DTNA: variants seen among roughly 807,000 people sequenced by gnomAD.
DTNA encodes dystrophin-related protein 3.
In DTNA, 43 loss-of-function variants were observed where a neutral mutation model predicts 100.7. That is an observed-to-expected ratio of 0.43 (90% CI 0.33 to 0.55). DTNA has a LOEUF of 0.55. Among genes scored for constraint, DTNA ranks in the 20% least tolerant of loss-of-function variants. The pLI, the probability that DTNA is intolerant of heterozygous loss-of-function variation, is 0.04. For synonymous variants in DTNA, 349 were observed against 347.9 expected, an observed-to-expected ratio of 1.00 and a Z score of -0.04; for missense variants, 798 against 953.9, an observed-to-expected ratio of 0.84 and a Z score of 2.15.
At position 34,864,049 on chromosome 18, in the gene DTNA, T is replaced by C; in HGVS notation, c.1730T>C (p.Met577Thr). The change falls in exon 17 of 23, where the codon ATG becomes ACG. Residue 577 changes from methionine (M) to threonine (T), a missense_variant. By Grantham distance (81) the Met-to-Thr change is moderately conservative. This residue lies in a region of DTNA where 26 missense variants were observed against 55.0 expected (regional missense o/e 0.47). Transcript: ENST00000444659. Reference protein sequence around the residue: ...RELMVQLEGLMKLLKTQGAGS... With the variant: ...RELMVQLEGLTKLLKTQGAGS... ...CTAATGGTCCAGTTGGAGGGTCTCA[T>C]GAAGCTACTAAAGGTAAGACCTGCC... The C allele has an allele frequency of 6.2e-7, 1 of 1,610,134 alleles. No individual in the cohort carries two copies. Among genetic ancestry groups the C allele is most frequent in the Non-Finnish European group, 8.5e-7 (1 of 1,178,242 alleles).
chr18:34,536,848 TATATC>T (rs1192549189), intron 1 of DTNA, among the ~76,000 whole-genome samples: 1 of 151,900 alleles, frequency 6.6e-6, no homozygotes, highest in Non-Finnish European at 1.5e-5. Context: ...AGTGGCCAAA[TATATC>T]AGAGCAAAAA....
chr18:34,767,028 T>G (rs956754881), intron 3 of DTNA, among the ~76,000 whole-genome samples: 8 of 152,106 alleles, frequency 5.3e-5, no homozygotes, highest in African/African-American at 1.9e-4. Context: ...ATCCATTTTC[T>G]CTTGGAAAAA....
At chr18:34,661,069 T>TA (rs2075117231) in intron 1 of DTNA, among the ~76,000 whole-genome samples, 1 of 152,230 alleles carries the variant, frequency 6.6e-6, no homozygotes, top group Non-Finnish European at 1.5e-5. Context: ...ATCTATTTTT[T>TA]ATCTTTCTCA....
intron 1 of DTNA, among the ~76,000 whole-genome samples, chr18:34,713,579 T>G (rs1180999802): frequency 6.6e-6 from 1 of 151,688 alleles, no homozygotes; most frequent in Non-Finnish European, 1.5e-5. Context: ...TGCCTCCAGC[T>G]TTGTTCTTTT....
At chr18:34,522,658 A>G (rs551110941) in intron 1 of DTNA, among the ~76,000 whole-genome samples, 1 of 152,252 alleles carries the variant, frequency 6.6e-6, no homozygotes, top group South Asian at 2.1e-4. Flanking sequence ...CATTTGTTTT[A>G]TGACATATGA....
At chr18:34,703,313 T>C (rs117295123) in intron 1 of DTNA, among the ~76,000 whole-genome samples, 2,679 of 152,344 alleles carry the variant, frequency 0.018, 42 homozygotes, top group South Asian at 0.055. Context: ...TGTATACTTA[T>C]AAGCCAGAAT....
chr18:34,709,965 T>C (rs1189535534), upstream of DTNA, among the ~76,000 whole-genome samples: 2 of 152,328 alleles, frequency 1.3e-5, no homozygotes, highest in African/African-American at 4.8e-5. Context: ...TTTAAAAATA[T>C]TTAGTTGGCT....
At chr18:34,612,648 A>G (rs768757470) in intron 1 of DTNA, among the ~76,000 whole-genome samples, 1 of 152,244 alleles carries the variant, frequency 6.6e-6, no homozygotes, top group Non-Finnish European at 1.5e-5. Flanking sequence ...TTGAAAAGCA[A>G]TAAACAAAGA....
intron 1 of DTNA, among the ~76,000 whole-genome samples, chr18:34,594,416 C>T (rs1248526662): frequency 2.0e-5 from 3 of 152,208 alleles, no homozygotes; most frequent in African/African-American, 7.2e-5. Context: ...TGAATAAATA[C>T]TGTCCATAAT....
intron 16 of DTNA, among the ~76,000 whole-genome samples, chr18:34,860,285 T>TC (rs1603275878): frequency 7.0e-6 from 1 of 142,672 alleles, no homozygotes; most frequent in East Asian, 2.1e-4. Flanking sequence ...GCCAGGCTAG[T>TC]CTTGAACTCC....
At chr18:34,518,210 T>C (rs1004734641) in intron 1 of DTNA, among the ~76,000 whole-genome samples, 5 of 152,196 alleles carry the variant, frequency 3.3e-5, no homozygotes, top group Non-Finnish European at 1.5e-5. Context: ...CATGTGCTTA[T>C]CTGCCATCCG....
chr18:34,502,763 T>A (rs2040064496), intron 1 of DTNA, among the ~76,000 whole-genome samples: 1 of 152,238 alleles, frequency 6.6e-6, no homozygotes, highest in African/African-American at 2.4e-5. Flanking sequence ...TTGAGGTTTA[T>A]TTTATGTCCC....
At chr18:34,612,276 G>A (rs552183221) in intron 1 of DTNA, among the ~76,000 whole-genome samples, 37 of 152,244 alleles carry the variant, frequency 2.4e-4, no homozygotes, top group African/African-American at 7.7e-4. Flanking sequence ...TGCTGGCTGG[G>A]ACCTGAGGCC....
intron 5 of DTNA, among the ~76,000 whole-genome samples, chr18:34,810,956 A>G (rs1355155342): frequency 1.3e-5 from 2 of 152,240 alleles, no homozygotes; most frequent in East Asian, 3.8e-4. Flanking sequence ...TAATCCGATA[A>G]AAGCCTCTGA....
chr18:34,749,830 T>C (rs2092129954), intron 1 of DTNA, among the ~76,000 whole-genome samples: 1 of 152,130 alleles, frequency 6.6e-6, no homozygotes, highest in African/African-American at 2.4e-5. Context: ...GCAAATGCAA[T>C]TATAATTTGC....
chr18:34,520,978 C>T (rs768636983), intron 1 of DTNA, among the ~76,000 whole-genome samples: 2 of 152,168 alleles, frequency 1.3e-5, no homozygotes, highest in African/African-American at 4.8e-5. Context: ...GTAACAATAA[C>T]AACCACAACA....
chr18:34,708,280 A>G (rs1230963502), upstream of DTNA: 7 of 152,214 alleles, frequency 4.6e-5, no homozygotes, highest in Non-Finnish European at 1.0e-4. Flanking sequence ...AAAGGCTTCT[A>G]TTGACACAAT....
chr18:34,563,965 G>A (rs972763354), intron 1 of DTNA, among the ~76,000 whole-genome samples: 4 of 148,970 alleles, frequency 2.7e-5, no homozygotes, highest in Non-Finnish European at 5.9e-5. Flanking sequence ...AGTTGCTTTC[G>A]TATGTGTGTG....
intron 1 of DTNA, among the ~76,000 whole-genome samples, chr18:34,659,092 G>GTT (rs2074801733): frequency 6.6e-6 from 1 of 152,120 alleles, no homozygotes; most frequent in Admixed American, 6.5e-5. Context: ...GTACGTGTGT[G>GTT]TGTGTGTGCA....
Sources: gnomAD v4.1 joint callset for allele counts (sites outside exome capture counted in the v4.1 genomes callset) on GRCh38, gnomAD v4.1.1 for gene constraint, gnomAD v4.1.1 regional missense constraint, MANE v1.5 for transcripts, NCBI Gene and HGNC (gene_info 2026-07-23, HGNC 2026-07-21) for gene names.